ZFAND3: variants seen among roughly 807,000 people sequenced by gnomAD.
The protein encoded by ZFAND3 is AN1-type zinc finger protein 3.
In ZFAND3, 10 loss-of-function variants were observed where a neutral mutation model predicts 29.6. The observed-to-expected ratio is 0.34, with a 90% confidence interval of 0.21 to 0.57. The LOEUF is 0.57. Ranked by LOEUF, ZFAND3 falls within the 20% of genes least tolerant of loss-of-function variation. ZFAND3 has a pLI of 0.86. For missense variants in ZFAND3, 230 were observed against 304.5 expected, an observed-to-expected ratio of 0.76 and a Z score of 1.82; for synonymous variants, 128 against 112.6, an observed-to-expected ratio of 1.14 and a Z score of -0.87.
At chr6:37,909,115 G>A (rs544184974) in intron 1 of ZFAND3, among the ~76,000 whole-genome samples, 1 of 152,212 alleles carries the variant, frequency 6.6e-6, no homozygotes, top group South Asian at 2.1e-4. Context: ...AGTAAGTGTG[G>A]AGATGGATTT....
rs188284221 is a variant in ZFAND3 at position 38,042,384 on chromosome 6, G to A, written c.113-19209G>A. Among the ~76,000 whole-genome samples, 189 of 148,944 alleles carry A rather than the reference G, an allele frequency of 1.3e-3. 1 individual carries two copies. Among genetic ancestry groups the A allele is most frequent in the Non-Finnish European group, 2.5e-3 (167 of 67,598 alleles). On this transcript the variant is annotated intron_variant, in intron 2 of 5. Transcript: ENST00000287218. ...GGCTGGAGTGCAGTGGCGCCATCTCGGCTCACTGCAACTCCACCTCCCGGG... is the reference window on the plus strand; with the variant it reads ...GGCTGGAGTGCAGTGGCGCCATCTCAGCTCACTGCAACTCCACCTCCCGGG...
intron 1 of ZFAND3, among the ~76,000 whole-genome samples, chr6:37,864,671 ATATG>A (rs1229372672): frequency 6.6e-6 from 1 of 151,714 alleles, no homozygotes; most frequent in African/African-American, 2.4e-5. Flanking sequence ...GTGTGGGTGT[ATATG>A]TGTGTATATA....
chr6:37,918,407 C>T (rs1045906178), intron 1 of ZFAND3, among the ~76,000 whole-genome samples: 5 of 151,510 alleles, frequency 3.3e-5, no homozygotes, highest in Admixed American at 3.3e-4. Flanking sequence ...TATCCTCCAG[C>T]TTCTAGAAGT....
chr6:38,042,818 A>G (rs1763817848), intron 2 of ZFAND3, among the ~76,000 whole-genome samples: 1 of 152,182 alleles, frequency 6.6e-6, no homozygotes, highest in Non-Finnish European at 1.5e-5. Flanking sequence ...TAGATCATTT[A>G]TATTAAGTAA....
Position 38,154,514 on chromosome 6 carries a change from CAT to C in ZFAND3, c.*2127_*2128del. On this transcript the variant is annotated 3_prime_UTR_variant, in exon 6 of 6. Transcript: ENST00000287218. ...TTTGTGTTCTAGATTTACTTACACACATAGCCTAGAGCTCAGTTTTAGTTTTA... is the reference window on the plus strand; with the variant it reads ...TTTGTGTTCTAGATTTACTTACACACAGCCTAGAGCTCAGTTTTAGTTTTA... 4.1e-6 allele frequency: 4 copies of C among 980,024 alleles called. No individual in the cohort carries two copies. Among genetic ancestry groups the C allele is most frequent in the Non-Finnish European group, 4.9e-6 (4 of 824,660 alleles). The allele number at this position is 980,024 out of a possible 1,614,324, so 60.7% of individuals were successfully genotyped here.
At chr6:37,829,500 A>C (rs1763820477) in intron 1 of ZFAND3, among the ~76,000 whole-genome samples, 1 of 152,232 alleles carries the variant, frequency 6.6e-6, no homozygotes, top group Non-Finnish European at 1.5e-5. Context: ...GCACTACTGC[A>C]CTCCAGCCTG....
At chr6:37,883,630 C>A (rs1319469543) in intron 1 of ZFAND3, among the ~76,000 whole-genome samples, 1 of 143,668 alleles carries the variant, frequency 7.0e-6, no homozygotes, top group Non-Finnish European at 1.5e-5. Flanking sequence ...GCAACCTCTG[C>A]CTCCTGGGTT....
intron 1 of ZFAND3, among the ~76,000 whole-genome samples, chr6:37,877,982 G>A (rs78395060): frequency 6.6e-6 from 1 of 152,178 alleles, no homozygotes; most frequent in African/African-American, 2.4e-5. Context: ...TAGAAATGAG[G>A]TAGGAACAAC....
At chr6:37,927,282 A>C (rs1761501701) in intron 1 of ZFAND3, among the ~76,000 whole-genome samples, 1 of 152,218 alleles carries the variant, frequency 6.6e-6, no homozygotes, top group South Asian at 2.1e-4. Flanking sequence ...TTGCCAAGTT[A>C]TCCTCTGAAG....
chr6:37,899,441 G>A (rs1199321466), intron 1 of ZFAND3, among the ~76,000 whole-genome samples: 1 of 152,018 alleles, frequency 6.6e-6, no homozygotes, highest in Non-Finnish European at 1.5e-5. Flanking sequence ...TAGTGGCTGA[G>A]TAGCCACTAT....
chr6:38,098,780 G>C (rs749780259), intron 4 of ZFAND3, among the ~76,000 whole-genome samples: 21 of 152,126 alleles, frequency 1.4e-4, no homozygotes, highest in Admixed American at 3.3e-4. Context: ...AGGATTACAG[G>C]CATGAGCCAC....
At chr6:37,972,271 C>G (rs961255066) in intron 2 of ZFAND3, among the ~76,000 whole-genome samples, 1 of 152,184 alleles carries the variant, frequency 6.6e-6, no homozygotes, top group Non-Finnish European at 1.5e-5. Flanking sequence ...CCACATAAAG[C>G]TGGGTTTAGC....
chr6:38,034,877 G>A (rs1192841016), intron 2 of ZFAND3, among the ~76,000 whole-genome samples: 1 of 152,008 alleles, frequency 6.6e-6, no homozygotes, highest in Non-Finnish European at 1.5e-5. Context: ...TCCCAAAAAG[G>A]GTTTTATTTT....
chr6:37,919,535 A>G (rs1466201638), intron 1 of ZFAND3, among the ~76,000 whole-genome samples: 1 of 152,082 alleles, frequency 6.6e-6, no homozygotes, highest in Admixed American at 6.5e-5. Flanking sequence ...TTAGCCTCCA[A>G]GTTGTTTGAG....
At chr6:37,932,746 G>A (rs1761622615) in intron 2 of ZFAND3, among the ~76,000 whole-genome samples, 1 of 152,114 alleles carries the variant, frequency 6.6e-6, no homozygotes, top group Admixed American at 6.5e-5. Context: ...ACTTGTTACA[G>A]TTTTACTTTC....
chr6:38,126,937 T>A (rs1459374650), intron 5 of ZFAND3, among the ~76,000 whole-genome samples: 2 of 151,876 alleles, frequency 1.3e-5, no homozygotes, highest in African/African-American at 4.8e-5. Context: ...TTTTTTTTGC[T>A]ACCACTTAGA....
At chr6:37,994,669 A>G (rs541131108) in intron 2 of ZFAND3, among the ~76,000 whole-genome samples, 1 of 152,230 alleles carries the variant, frequency 6.6e-6, no homozygotes. Context: ...TTACTCTCCA[A>G]TTTCTATCAA....
chr6:37,943,570 C>T (rs1761849257), intron 2 of ZFAND3, among the ~76,000 whole-genome samples: 1 of 152,104 alleles, frequency 6.6e-6, no homozygotes, highest in South Asian at 2.1e-4. Context: ...AAATTATTTT[C>T]ATGCAGGTCC....
At chr6:38,147,141 C>G (rs532972080) in intron 5 of ZFAND3, among the ~76,000 whole-genome samples, 3 of 152,128 alleles carry the variant, frequency 2.0e-5, no homozygotes, top group Non-Finnish European at 4.4e-5. Flanking sequence ...TCTCTTCATC[C>G]TCCTCCCTCT....
Sources: allele counts gnomAD v4.1 joint callset (sites outside exome capture counted in the v4.1 genomes callset), GRCh38; gene constraint gnomAD v4.1.1; transcripts MANE v1.5; gene names NCBI Gene and HGNC (gene_info 2026-07-23, HGNC 2026-07-21).